CNTN5: variants seen among roughly 807,000 people sequenced by gnomAD.
CNTN5 encodes the protein contactin-5.
Under a neutral mutation model 129.1 loss-of-function variants are expected in CNTN5, and 77 were observed. The ratio of observed to expected loss-of-function variants is 0.60; its 90% CI spans 0.50 to 0.72. The LOEUF is 0.72. Among genes scored for constraint, CNTN5 ranks in the 30% least tolerant of loss-of-function variants. The pLI is 0.00. For synonymous variants in CNTN5, 509 were observed against 465.6 expected (o/e 1.09, Z -1.20); for missense variants, 1,478 against 1,328.8 (o/e 1.11, Z -1.75).
intron 1 of CNTN5, among the ~76,000 whole-genome samples, chr11:99,212,305 G>C (rs1164768129): frequency 1.3e-5 from 2 of 152,190 alleles, no homozygotes; most frequent in African/African-American, 4.8e-5. Flanking sequence ...TCTCCCCTGA[G>C]TCCAGAATCT....
chr11:99,476,650 T>G (rs1053715709), intron 2 of CNTN5, among the ~76,000 whole-genome samples: 1 of 152,072 alleles, frequency 6.6e-6, no homozygotes, highest in Admixed American at 6.5e-5. Flanking sequence ...CTTCAATGAG[T>G]GGTCAGATTG....
chr11:99,926,714 A>G (rs1950071226), intron 7 of CNTN5, among the ~76,000 whole-genome samples: 1 of 152,114 alleles, frequency 6.6e-6, no homozygotes, highest in Non-Finnish European at 1.5e-5. Flanking sequence ...GATTTCCACA[A>G]ATTTCTAAAG....
At chr11:99,630,408 C>A (rs1011146545) in intron 3 of CNTN5, among the ~76,000 whole-genome samples, 1 of 151,952 alleles carries the variant, frequency 6.6e-6, no homozygotes, top group Non-Finnish European at 1.5e-5. Flanking sequence ...ATGTTGATTT[C>A]TTCTAATCAT....
At chr11:99,746,373 T>C (rs540742429) in intron 3 of CNTN5, among the ~76,000 whole-genome samples, 1 of 152,358 alleles carries the variant, frequency 6.6e-6, no homozygotes, top group South Asian at 2.1e-4. Flanking sequence ...AAATTTCAAC[T>C]GACAGTAAAT....
intron 10 of CNTN5, among the ~76,000 whole-genome samples, chr11:100,068,216 T>G (rs1943768524): frequency 6.6e-6 from 1 of 152,130 alleles, no homozygotes; most frequent in Non-Finnish European, 1.5e-5. Context: ...TAGCTGAGTG[T>G]CAAATTCTAA....
chr11:99,140,110 A>G (rs1859439432), intron 1 of CNTN5, among the ~76,000 whole-genome samples: 1 of 152,220 alleles, frequency 6.6e-6, no homozygotes, highest in South Asian at 2.1e-4. Context: ...TACATTAGTG[A>G]TTTGCACAAA....
At chr11:99,734,074 A>G (rs1267605992) in intron 3 of CNTN5, among the ~76,000 whole-genome samples, 1 of 152,188 alleles carries the variant, frequency 6.6e-6, no homozygotes, top group Non-Finnish European at 1.5e-5. Flanking sequence ...ATACATGGCC[A>G]CTATCTTCAG....
chr11:99,514,266 A>G (rs561988343), intron 2 of CNTN5, among the ~76,000 whole-genome samples: 1 of 152,228 alleles, frequency 6.6e-6, no homozygotes, highest in African/African-American at 2.4e-5. Context: ...TGAGTAACAA[A>G]AGTAATTTCT....
intron 2 of CNTN5, among the ~76,000 whole-genome samples, chr11:99,544,115 C>T (rs1276007352): frequency 1.3e-5 from 2 of 152,034 alleles, no homozygotes; most frequent in Non-Finnish European, 2.9e-5. Flanking sequence ...GCACTGGCAT[C>T]TGCTTAGTTT....
chr11:100,186,908 A>C (rs564718451), intron 13 of CNTN5, among the ~76,000 whole-genome samples: 1 of 152,332 alleles, frequency 6.6e-6, no homozygotes, highest in East Asian at 1.9e-4. Context: ...AAATCACATT[A>C]TCTAATCTGT....
At chr11:99,976,747 C>T (rs1439132814) in intron 8 of CNTN5, among the ~76,000 whole-genome samples, 1 of 152,226 alleles carries the variant, frequency 6.6e-6, no homozygotes, top group Non-Finnish European at 1.5e-5. Context: ...ACTATTTTTC[C>T]TTCTTAGCCC....
chr11:99,046,781 A>C (rs890203780), intron 1 of CNTN5, among the ~76,000 whole-genome samples: 1 of 152,148 alleles, frequency 6.6e-6, no homozygotes, highest in East Asian at 1.9e-4. Flanking sequence ...GCAATATTGC[A>C]AATAAGAATA....
chr11:99,088,142 C>T (rs935368296), intron 1 of CNTN5, among the ~76,000 whole-genome samples: 1 of 152,158 alleles, frequency 6.6e-6, no homozygotes, highest in Non-Finnish European at 1.5e-5. Context: ...CAACCTTCCA[C>T]AAGAAAACCC....
intron 16 of CNTN5, among the ~76,000 whole-genome samples, chr11:100,252,862 A>T (rs1456672728): frequency 2.0e-5 from 3 of 152,130 alleles, no homozygotes; most frequent in African/African-American, 4.8e-5. Context: ...TTTTCCTATA[A>T]AAAGCATTCC....
At chr11:100,237,374 T>G (rs1949643273) in intron 16 of CNTN5, among the ~76,000 whole-genome samples, 1 of 152,104 alleles carries the variant, frequency 6.6e-6, no homozygotes, top group Non-Finnish European at 1.5e-5. Flanking sequence ...ACTAAATTCT[T>G]AATTATTTTC....
In CNTN5 at chr11:99,980,917, A is replaced by G. The variant is rs536756470; in HGVS notation, c.878-21117A>G. On this transcript the variant is annotated intron_variant, in intron 8 of 24. Coordinates refer to ENST00000524871, the MANE Select transcript of CNTN5 (RefSeq NM_014361.4). Reference sequence around the variant, plus strand: ...ATGTCAAAGAGCTAAAATACCTTTAATGATTGAAGTATAAACAGAAAAGCA... The same window carrying G: ...ATGTCAAAGAGCTAAAATACCTTTAGTGATTGAAGTATAAACAGAAAAGCA... Among the ~76,000 whole-genome samples, 144 of 151,894 alleles carry G rather than the reference A, an allele frequency of 9.5e-4. 2 individuals carry two copies. The highest frequency in any genetic ancestry group is 3.2e-3 in the African/African-American group (131 of 41,510).
intron 3 of CNTN5, among the ~76,000 whole-genome samples, chr11:99,580,685 G>A (rs1455913405): frequency 2.6e-5 from 4 of 151,736 alleles, no homozygotes; most frequent in Non-Finnish European, 5.9e-5. Flanking sequence ...TATCCCCTTT[G>A]TCATTTTTTA....
intron 8 of CNTN5, among the ~76,000 whole-genome samples, chr11:99,980,585 T>C (rs11222160): frequency 0.07 from 10,633 of 152,230 alleles, 759 homozygotes; most frequent in East Asian, 0.31. Flanking sequence ...ATATTCTGAT[T>C]ACTTCTTTTT....
intron 7 of CNTN5, among the ~76,000 whole-genome samples, chr11:99,929,765 T>A (rs1433826358): frequency 6.6e-6 from 1 of 152,136 alleles, no homozygotes; most frequent in Non-Finnish European, 1.5e-5. Context: ...AGCTACAATT[T>A]AAGATGATAT....
Sources: allele counts gnomAD v4.1 joint callset (sites outside exome capture counted in the v4.1 genomes callset), GRCh38; gene constraint gnomAD v4.1.1; transcripts MANE v1.5; gene names NCBI Gene and HGNC (gene_info 2026-07-23, HGNC 2026-07-21).